CSMD1: variants seen among roughly 807,000 people sequenced by gnomAD.
CSMD1 encodes CUB and sushi domain-containing protein 1.
Under a neutral mutation model 417.5 loss-of-function variants are expected in CSMD1, and 213 were observed. That is an observed-to-expected ratio of 0.51 (90% CI 0.46 to 0.57). The LOEUF (loss-of-function observed/expected upper bound fraction) is 0.57. Among genes scored for constraint, CSMD1 ranks in the 20% least tolerant of loss-of-function variants. The pLI is 0.00. For missense variants in CSMD1, 6,923 were observed against 4,529.7 expected, an observed-to-expected ratio of 1.53 and a Z score of -15.17; for synonymous variants, 2,862 against 1,736.8, an observed-to-expected ratio of 1.65 and a Z score of -16.11.
At chr8:4,076,463 G>C (rs1188608832) in intron 3 of CSMD1, among the ~76,000 whole-genome samples, 1 of 152,136 alleles carries the variant, frequency 6.6e-6, no homozygotes, top group African/African-American at 2.4e-5. Flanking sequence ...AACTGTAATA[G>C]TGACAGCAGG....
chr8:3,825,174 A>C (rs546106823), intron 5 of CSMD1, among the ~76,000 whole-genome samples: 1 of 152,036 alleles, frequency 6.6e-6, no homozygotes, highest in African/African-American at 2.4e-5. Flanking sequence ...GCTGTAGGTG[A>C]GGGTTTAGCG....
chr8:4,483,007 G>A (rs992470059), intron 2 of CSMD1, among the ~76,000 whole-genome samples: 3 of 152,152 alleles, frequency 2.0e-5, no homozygotes, highest in Non-Finnish European at 4.4e-5. Flanking sequence ...TTTAGCAATT[G>A]ATTGGTTTGG....
At chr8:3,279,656 AAG>A in intron 26 of CSMD1, among the ~76,000 whole-genome samples, 1 of 152,264 alleles carries the variant, frequency 6.6e-6, no homozygotes, top group African/African-American at 2.4e-5. Context: ...TTATAAAGGA[AAG>A]AGGTTTAATT....
At chr8:3,629,634 G>A (rs1274608498) in intron 7 of CSMD1, among the ~76,000 whole-genome samples, 1 of 151,980 alleles carries the variant, frequency 6.6e-6, no homozygotes, top group African/African-American at 2.4e-5. Flanking sequence ...CTATACTCAG[G>A]ATTATTTTAT....
rs543348564 is a variant in CSMD1 at position 4,919,369 on chromosome 8, A to C, written c.85+74963T>G. Among the ~76,000 whole-genome samples, 25 of 152,320 alleles carry C rather than the reference A, an allele frequency of 1.6e-4. No homozygotes were observed. The South Asian group carries it at 5.2e-3, about 32-fold the overall frequency. ...TTTGCTGGTACTTAAAATTTAGCATAAACAAATAATCTAATAAATTTTATT... is the reference window on the plus strand; with the variant it reads ...TTTGCTGGTACTTAAAATTTAGCATCAACAAATAATCTAATAAATTTTATT... On this transcript the variant is annotated intron_variant, in intron 1 of 69. Coordinates refer to ENST00000635120, the MANE Select transcript of CSMD1 (RefSeq NM_033225.6).
chr8:3,592,845 G>A (rs1485102183), intron 8 of CSMD1, among the ~76,000 whole-genome samples: 3 of 152,042 alleles, frequency 2.0e-5, no homozygotes, highest in Non-Finnish European at 2.9e-5. Context: ...CATGAAATAG[G>A]TGTAAAGGAG....
chr8:3,526,239 T>C (rs1295162559), intron 10 of CSMD1, among the ~76,000 whole-genome samples: 2 of 152,180 alleles, frequency 1.3e-5, no homozygotes, highest in African/African-American at 2.4e-5. Context: ...GAACCTTCTA[T>C]AGAATATAAA....
intron 1 of CSMD1, among the ~76,000 whole-genome samples, chr8:4,892,809 C>A (rs887120734): frequency 5.9e-5 from 9 of 152,018 alleles, no homozygotes; most frequent in African/African-American, 1.7e-4. Flanking sequence ...TAGATGGGAA[C>A]TTCTGTATGC....
At chr8:3,352,271 G>C (rs1808473049) in intron 21 of CSMD1, among the ~76,000 whole-genome samples, 1 of 152,128 alleles carries the variant, frequency 6.6e-6, no homozygotes, top group South Asian at 2.1e-4. Flanking sequence ...TGGGAGATGG[G>C]ATTGCAAACA....
At chr8:3,741,292 G>C (rs1238634326) in intron 6 of CSMD1, among the ~76,000 whole-genome samples, 3 of 147,276 alleles carry the variant, frequency 2.0e-5, no homozygotes, top group Non-Finnish European at 4.5e-5. Context: ...GTAGAGTTTA[G>C]TAGGTCAGAG....
chr8:3,576,940 G>T (rs866055424), intron 9 of CSMD1, among the ~76,000 whole-genome samples: 1 of 152,196 alleles, frequency 6.6e-6, no homozygotes, highest in South Asian at 2.1e-4. Flanking sequence ...TAAACATCAT[G>T]TAGCGTTCAT....
intron 6 of CSMD1, among the ~76,000 whole-genome samples, chr8:3,728,168 TG>T (rs1437126698): frequency 6.6e-6 from 1 of 152,190 alleles, no homozygotes; most frequent in Non-Finnish European, 1.5e-5. Flanking sequence ...TGGGTGCTGT[TG>T]CCCCCATACT....
intron 1 of CSMD1, among the ~76,000 whole-genome samples, chr8:4,734,963 G>A (rs1017764831): frequency 6.6e-6 from 1 of 152,164 alleles, no homozygotes; most frequent in Non-Finnish European, 1.5e-5. Flanking sequence ...GGGATTCTGG[G>A]AAAGTTTCCA....
chr8:3,808,684 G>T (rs1800889774), intron 5 of CSMD1, among the ~76,000 whole-genome samples: 1 of 152,154 alleles, frequency 6.6e-6, no homozygotes, highest in Admixed American at 6.5e-5. Context: ...TATTTCTGAG[G>T]TTTGGCACTC....
chr8:4,000,095 G>T (rs1195286039), intron 4 of CSMD1, among the ~76,000 whole-genome samples: 2 of 152,092 alleles, frequency 1.3e-5, no homozygotes, highest in African/African-American at 4.8e-5. Context: ...CCAAATGTCT[G>T]TCCTGCCCCC....
chr8:2,946,478 G>C (rs530459349), intron 68 of CSMD1, among the ~76,000 whole-genome samples: 1 of 152,124 alleles, frequency 6.6e-6, no homozygotes, highest in Non-Finnish European at 1.5e-5. Context: ...TCCTGTAATG[G>C]ATTCATAGAC....
At chr8:4,770,735 G>C (rs891684823) in intron 1 of CSMD1, among the ~76,000 whole-genome samples, 2 of 152,048 alleles carry the variant, frequency 1.3e-5, no homozygotes, top group African/African-American at 4.8e-5. Flanking sequence ...TCAAAAAATG[G>C]TGTTAGGAAA....
chr8:3,498,144 T>A (rs1344384583), intron 10 of CSMD1, among the ~76,000 whole-genome samples: 6 of 152,374 alleles, frequency 3.9e-5, no homozygotes, highest in African/African-American at 1.2e-4. Flanking sequence ...CCCTAGCCTG[T>A]AACGGTTCTG....
intron 3 of CSMD1, among the ~76,000 whole-genome samples, chr8:4,348,095 G>C (rs907767872): frequency 6.6e-6 from 1 of 152,200 alleles, no homozygotes; most frequent in Non-Finnish European, 1.5e-5. Flanking sequence ...CCCAGGAAAA[G>C]TGAATGCTTG....
Sources: gnomAD v4.1 joint callset for allele counts (sites outside exome capture counted in the v4.1 genomes callset) on GRCh38, gnomAD v4.1.1 for gene constraint, MANE v1.5 for transcripts, NCBI Gene and HGNC (gene_info 2026-07-23, HGNC 2026-07-21) for gene names.